Variants in NAA16 observed in about 807,000 individuals in gnomAD.
NAA16 encodes the protein N-alpha-acetyltransferase 16, NatA auxiliary subunit.
NAA16 carries 97 observed loss-of-function variants against 110.3 expected under a neutral mutation model. The observed-to-expected ratio is 0.88, with a 90% CI of 0.75 to 1.04. NAA16 has a LOEUF of 1.04. Ranked by LOEUF, NAA16 falls within the 50% of genes least tolerant of loss-of-function variation. NAA16 has a pLI of 0.00. For missense variants in NAA16, 1,017 were observed against 1,005.1 expected, an observed-to-expected ratio of 1.01 and a Z score of -0.16; for synonymous variants, 372 against 330.6, an observed-to-expected ratio of 1.13 and a Z score of -1.36.
chr13:41,318,960 T>C, intron 3 of NAA16, 50 bp downstream of exon 3: 1 of 1,191,334 alleles, frequency 8.4e-7, no homozygotes, highest in South Asian at 1.5e-5. Context: ...AGTTTTTTCC[T>C]AATTCAAATT....
At position 41,372,202 on chromosome 13, in the gene NAA16, G is replaced by A. The variant is rs1292805932; in HGVS notation, c.1948-1G>A. ...TAATTTTCCTTTCTGTTTCAAAATA[G>A]GTAGAAAATCCATTAGAGGAAGCCG... On this transcript the variant is annotated splice_acceptor_variant, in intron 15 of 19. Coordinates refer to ENST00000379406, the MANE Select transcript of NAA16 (RefSeq NM_024561.5). LOFTEE classifies it high-confidence loss of function. 3.9e-6 allele frequency: 6 copies of A among 1,527,728 alleles called. No homozygotes were observed. In the South Asian group the frequency reaches 5.2e-5, roughly 13 times the overall value. 94.6% of individuals were successfully genotyped at this position (1,527,728 alleles called of 1,614,324 possible). A position where few individuals can be genotyped will look rare whatever the true frequency, so the allele number is the denominator to read the frequency against.
At chr13:41,344,490 AT>A (rs1420590900) in intron 9 of NAA16, among the ~76,000 whole-genome samples, 1 of 152,044 alleles carries the variant, frequency 6.6e-6, no homozygotes, top group Non-Finnish European at 1.5e-5. Flanking sequence ...GAGGTTTTTG[AT>A]TGTCGCTGCA....
At chr13:41,353,302 G>GT (rs1355465772) in intron 9 of NAA16, among the ~76,000 whole-genome samples, 3 of 152,052 alleles carry the variant, frequency 2.0e-5, no homozygotes, top group Non-Finnish European at 4.4e-5. Flanking sequence ...TGTAAAAAAG[G>GT]TTTTTAAGTT....
At chr13:41,337,054 A>G (rs1289038007) in intron 9 of NAA16, among the ~76,000 whole-genome samples, 1 of 152,118 alleles carries the variant, frequency 6.6e-6, no homozygotes, top group Non-Finnish European at 1.5e-5. Flanking sequence ...TTATTATTTT[A>G]TGGTACAGTT....
rs375103269 is a variant in NAA16, at chr13:41,331,266, G to A, written c.812-8G>A. 11 of 1,581,592 alleles carry A rather than the reference G, an allele frequency of 7.0e-6. No individual in the cohort carries two copies. Among genetic ancestry groups the A allele is most frequent in the East Asian group, 2.2e-5 (1 of 44,488 alleles). ...GCTATGAATCTCACCCATATTTACT[G>A]ATAATAGGCACTTTAGAAGAGAGGC... On this transcript the variant is annotated splice_region_variant and splice_polypyrimidine_tract_variant and intron_variant, in intron 7 of 19. Transcript: ENST00000379406.
chr13:41,374,184 C>G (rs1293136094), intron 18 of NAA16, among the ~76,000 whole-genome samples: 4 of 151,258 alleles, frequency 2.6e-5, no homozygotes, highest in African/African-American at 9.7e-5. Context: ...CTCTGTCGCC[C>G]AGGCTGGAGT....
chr13:41,328,727 A>G lies in NAA16; in HGVS notation c.695A>G (p.Glu232Gly). The G allele has an allele frequency of 6.2e-7, 1 of 1,604,394 alleles. No individual in the cohort carries two copies. The change falls in exon 7 of 20, where the codon GAA becomes GGA. Residue 232 changes from glutamate (E) to glycine (G), a missense_variant. Transcript: ENST00000379406. ...DKLLVEEIKG[E>G]ILLKLGRLKE... ...ATGTCTTTAAACTTAATTTCAGGGGAAATACTGTTGAAATTGGGAAGATTA... is the reference window on the plus strand; with the variant it reads ...ATGTCTTTAAACTTAATTTCAGGGGGAATACTGTTGAAATTGGGAAGATTA...
At chr13:41,351,655 GT>G (rs1205259059) in intron 9 of NAA16, among the ~76,000 whole-genome samples, 1 of 152,190 alleles carries the variant, frequency 6.6e-6, no homozygotes, top group African/African-American at 2.4e-5. Context: ...ATTATCTTAG[GT>G]TAGATTTTAT....
chr13:41,373,511 G>A (rs1339842791), intron 17 of NAA16, 126 bp from the exon 18 acceptor site: 4 of 1,121,886 alleles, frequency 3.6e-6, no homozygotes, highest in South Asian at 1.8e-5. Flanking sequence ...GCCTGCCTCA[G>A]CCTCCCAAAG....
chr13:41,333,259 T>C (rs551353919), intron 8 of NAA16, among the ~76,000 whole-genome samples: 1 of 152,128 alleles, frequency 6.6e-6, no homozygotes, highest in Admixed American at 6.6e-5. Context: ...TTTTAAAAAA[T>C]AATAGCTTTT....
chr13:41,363,491 G>T (rs1320673680), intron 13 of NAA16, among the ~76,000 whole-genome samples: 1 of 152,080 alleles, frequency 6.6e-6, no homozygotes, highest in Non-Finnish European at 1.5e-5. Flanking sequence ...TAACATTGAT[G>T]ACTATATTGC....
chr13:41,344,858 T>C (rs1436857209), intron 9 of NAA16, among the ~76,000 whole-genome samples: 1 of 152,204 alleles, frequency 6.6e-6, no homozygotes, highest in African/African-American at 2.4e-5. Flanking sequence ...CCAAAGAGAC[T>C]CCATATCCTT....
chr13:41,372,403 G>A, intron 16 of NAA16, 92 bp downstream of exon 16: 1 of 1,388,194 alleles, frequency 7.2e-7, no homozygotes, highest in Non-Finnish European at 9.3e-7. Flanking sequence ...TTGTTTCTTA[G>A]ATTTTCATTT....
chr13:41,322,247 T>C (rs1182988643), intron 4 of NAA16, among the ~76,000 whole-genome samples: 1 of 151,900 alleles, frequency 6.6e-6, no homozygotes, highest in Non-Finnish European at 1.5e-5. Flanking sequence ...GTGGTGAAAG[T>C]GTGAAGGACC....
At chr13:41,374,055 T>C (rs912057168) in intron 18 of NAA16, among the ~76,000 whole-genome samples, 1 of 152,066 alleles carries the variant, frequency 6.6e-6, no homozygotes, top group Non-Finnish European at 1.5e-5. Context: ...CAATATAATC[T>C]CAACTATGCA....
chr13:41,316,039 G>A (rs1566238171), intron 1 of NAA16, among the ~76,000 whole-genome samples: 1 of 152,160 alleles, frequency 6.6e-6, no homozygotes, highest in African/African-American at 2.4e-5. Flanking sequence ...CAAAGCATTG[G>A]AATTATTTTG....
intron 9 of NAA16, among the ~76,000 whole-genome samples, chr13:41,350,106 C>CA (rs1160278689): frequency 3.3e-5 from 5 of 151,338 alleles, no homozygotes; most frequent in African/African-American, 9.7e-5. Flanking sequence ...AGTGTCTCTA[C>CA]AAAAAAATAC....
At chr13:41,365,189 T>G (rs962209335) in intron 13 of NAA16, among the ~76,000 whole-genome samples, 4 of 152,178 alleles carry the variant, frequency 2.6e-5, no homozygotes, top group African/African-American at 9.7e-5. Context: ...TTTTTGTGTT[T>G]TACAAATTTA....
At position 41,367,620 on chromosome 13, in the gene NAA16, C is replaced by T. The variant is rs143749912; in HGVS notation, c.1721C>T (p.Thr574Ile). 29 of 1,609,902 alleles carry T rather than the reference C, an allele frequency of 1.8e-5. No homozygotes were observed. The South Asian group carries it at 2.3e-4, about 13-fold the overall frequency. The change falls in exon 14 of 20, where the codon ACC becomes ATC. Residue 574 changes from threonine (T) to isoleucine (I), a missense_variant. Physicochemically the swap from Thr to Ile is moderately conservative, Grantham distance 89. Coordinates refer to ENST00000379406, the MANE Select transcript of NAA16 (RefSeq NM_024561.5). The part of the protein sequence containing the change: ...IYLKLYDNPL[T>I]NESKQQEINS... ...TTGAAATTGTATGATAATCCCTTAACCAATGAAAGCAAACAACAAGAAATA... is the reference window on the plus strand; with the variant it reads ...TTGAAATTGTATGATAATCCCTTAATCAATGAAAGCAAACAACAAGAAATA...
Sources: allele counts gnomAD v4.1 joint callset (sites outside exome capture counted in the v4.1 genomes callset), GRCh38; gene constraint gnomAD v4.1.1; transcripts MANE v1.5; gene names NCBI Gene and HGNC (gene_info 2026-07-23, HGNC 2026-07-21).